PRELID2: variants seen among roughly 807,000 people sequenced by gnomAD.
PRELID2 encodes PRELI domain containing 2.
Under a neutral mutation model 28.4 loss-of-function variants are expected in PRELID2, and 25 were observed. The ratio of observed to expected loss-of-function variants is 0.88; its 90% CI spans 0.64 to 1.23. The LOEUF (loss-of-function observed/expected upper bound fraction) is 1.23. Among genes scored for constraint, PRELID2 ranks in the 50% most tolerant of loss-of-function variants. The pLI is 0.00. For missense variants in PRELID2, 201 were observed against 214.4 expected, an observed-to-expected ratio of 0.94 and a Z score of 0.39; for synonymous variants, 76 against 71.6, an observed-to-expected ratio of 1.06 and a Z score of -0.31.
At chr5:145,292,905 G>T in the PRELID2 span, among the ~76,000 whole-genome samples, 8 of 151,306 alleles carry the variant, frequency 5.3e-5, no homozygotes, top group African/African-American at 1.9e-4. Flanking sequence ...TATTTTTTTT[G>T]AGATGGGTTC....
At chr5:145,670,778 T>C (rs1384315161) in intron 1 of PRELID2, among the ~76,000 whole-genome samples, 1 of 152,176 alleles carries the variant, frequency 6.6e-6, no homozygotes, top group Non-Finnish European at 1.5e-5. Context: ...AGGATCTTTA[T>C]AACTGATGCA....
intron 1 of PRELID2, among the ~76,000 whole-genome samples, chr5:145,639,672 A>G (rs1040833380): frequency 1.3e-5 from 2 of 152,166 alleles, no homozygotes; most frequent in African/African-American, 4.8e-5. Context: ...AACTATTCAA[A>G]TCCAATGTTG....
chr5:145,734,483 C>CA (rs1756438182), intron 1 of PRELID2, among the ~76,000 whole-genome samples: 1 of 152,156 alleles, frequency 6.6e-6, no homozygotes, highest in African/African-American at 2.4e-5. Context: ...GGAACTAATG[C>CA]AAATTATCCT....
chr5:145,315,173 G>A, the PRELID2 span, among the ~76,000 whole-genome samples: 6 of 149,092 alleles, frequency 4.0e-5, no homozygotes, highest in African/African-American at 1.2e-4. Flanking sequence ...GGGCTCAAGC[G>A]ATTCTCCTGC....
intron 5 of PRELID2, among the ~76,000 whole-genome samples, chr5:145,785,431 T>C (rs935808122): frequency 6.6e-6 from 1 of 152,240 alleles, no homozygotes; most frequent in African/African-American, 2.4e-5. Flanking sequence ...TTAAGATGTC[T>C]ATAATTTGCT....
chr5:145,742,626 C>T (rs961788367), intron 1 of PRELID2, among the ~76,000 whole-genome samples: 11 of 148,378 alleles, frequency 7.4e-5, no homozygotes, highest in Non-Finnish European at 1.3e-4. Flanking sequence ...ATTTATAGCA[C>T]TATATGCATA....
At chr5:145,466,773 C>T in the PRELID2 span, among the ~76,000 whole-genome samples, 82 of 152,118 alleles carry the variant, frequency 5.4e-4, no homozygotes, top group Non-Finnish European at 1.0e-3. Context: ...ATAATGAAGT[C>T]CAATACTTAT....
At chr5:145,780,637 T>A (rs1004529134) in intron 5 of PRELID2, among the ~76,000 whole-genome samples, 2 of 152,244 alleles carry the variant, frequency 1.3e-5, no homozygotes, top group Non-Finnish European at 2.9e-5. Flanking sequence ...ATTTTAAAAG[T>A]CTTTTTAGGA....
chr5:145,312,454 C>A, the PRELID2 span, among the ~76,000 whole-genome samples: 1 of 152,174 alleles, frequency 6.6e-6, no homozygotes, highest in Admixed American at 6.5e-5. Flanking sequence ...GAACTTATTT[C>A]TCCTATTGAA....
chr5:145,337,488 T>C, the PRELID2 span, among the ~76,000 whole-genome samples: 1 of 151,528 alleles, frequency 6.6e-6, no homozygotes, highest in African/African-American at 2.4e-5. Context: ...CTGCTTCAGA[T>C]TCCATTCACA....
chr5:145,527,637 G>A (rs549145207), intron 1 of PRELID2, among the ~76,000 whole-genome samples: 3 of 152,208 alleles, frequency 2.0e-5, no homozygotes, highest in African/African-American at 4.8e-5. Context: ...TTGCCCTCAA[G>A]GGTAATATTG....
the PRELID2 span, among the ~76,000 whole-genome samples, chr5:145,259,630 A>T: frequency 6.6e-6 from 1 of 152,278 alleles, no homozygotes; most frequent in South Asian, 2.1e-4. Context: ...TTTTGGAATG[A>T]GAATATCTAC....
At chr5:145,769,104 T>C (rs1319431496) in intron 5 of PRELID2, among the ~76,000 whole-genome samples, 2 of 152,192 alleles carry the variant, frequency 1.3e-5, no homozygotes, top group African/African-American at 4.8e-5. Context: ...ACACCACTTA[T>C]CACACAATGA....
rs1006400575 is a variant in PRELID2, at chr5:145,509,335, G to T, written n.71-36020C>A. Among the ~76,000 whole-genome samples, 133 of 152,156 alleles carry T rather than the reference G, an allele frequency of 8.7e-4. 1 individual carries two copies. Among genetic ancestry groups the T allele is most frequent in the African/African-American group, 3.2e-3 (131 of 41,430 alleles). On this transcript the variant is annotated intron_variant and non_coding_transcript_variant, in intron 1 of 2. Coordinates refer to the PRELID2 transcript ENST00000510259. ...TACAGTTTATAAGTGGTAGAGCCAGGAATAAAACTACATTGGCCTGATTTT... is the reference window on the plus strand; with the variant it reads ...TACAGTTTATAAGTGGTAGAGCCAGTAATAAAACTACATTGGCCTGATTTT...
chr5:145,297,742 CCTT>C, the PRELID2 span, among the ~76,000 whole-genome samples: 1 of 152,058 alleles, frequency 6.6e-6, no homozygotes, highest in Non-Finnish European at 1.5e-5. Flanking sequence ...CCCAAAATCT[CCTT>C]AAGCTGATAA....
the PRELID2 span, among the ~76,000 whole-genome samples, chr5:145,418,965 T>G: frequency 1.3e-5 from 2 of 148,560 alleles, no homozygotes; most frequent in Non-Finnish European, 3.0e-5. Context: ...CACCTATGAG[T>G]GAGAATATGT....
At chr5:145,833,761 GT>G (rs1236979290) in intron 1 of PRELID2, among the ~76,000 whole-genome samples, 17 of 152,306 alleles carry the variant, frequency 1.1e-4, no homozygotes, top group East Asian at 3.9e-4. Context: ...ATCTCCCTTA[GT>G]TTGGCTTCCG....
At chr5:145,299,205 T>C in the PRELID2 span, among the ~76,000 whole-genome samples, 1 of 152,052 alleles carries the variant, frequency 6.6e-6, no homozygotes. Context: ...GTTTCCTTTT[T>C]GTTAACATAA....
the PRELID2 span, among the ~76,000 whole-genome samples, chr5:145,350,276 G>A: frequency 6.6e-6 from 1 of 152,104 alleles, no homozygotes; most frequent in Non-Finnish European, 1.5e-5. Context: ...CATAAATGAG[G>A]CATAGACTAT....
Sources: allele counts gnomAD v4.1 joint callset (sites outside exome capture counted in the v4.1 genomes callset), GRCh38; gene constraint gnomAD v4.1.1; transcripts MANE v1.5; gene names NCBI Gene and HGNC (gene_info 2026-07-23, HGNC 2026-07-21).